Variants in F13A1 observed in about 807,000 individuals in gnomAD.
F13A1 encodes the protein coagulation factor XIII A chain.
Under a neutral mutation model 80.1 loss-of-function variants are expected in F13A1, and 47 were observed. That is an observed-to-expected ratio of 0.59 (90% CI 0.46 to 0.75). F13A1 has a LOEUF of 0.75. F13A1 is among the 30% of genes least tolerant of loss of function. F13A1 has a pLI of 0.00. For synonymous variants in F13A1, 349 were observed against 344.9 expected, an observed-to-expected ratio of 1.01 and a Z score of -0.13; for missense variants, 817 against 930.4, an observed-to-expected ratio of 0.88 and a Z score of 1.59.
Position 6,151,905 on chromosome 6 carries a change from A to T in F13A1, c.1953T>A (p.Val651=), listed in dbSNP as rs1457417905. Residue 651 remains valine (V), a synonymous_variant, in exon 14 of 15, where the codon GTT becomes GTA. Transcript: ENST00000264870. The part of the protein sequence containing the change: ...QVVGSDMTVT[V]EFTNPLKETL... ...TTTCTTTTAAAGGATTGGTAAACTC[A>T]ACTGTCACAGTCATGTCAGAACCAA... The T allele has an allele frequency of 6.2e-7, 1 of 1,614,082 alleles. No homozygotes were observed. Among genetic ancestry groups the T allele is most frequent in the Non-Finnish European group, 8.5e-7 (1 of 1,179,974 alleles).
Position 6,293,235 on chromosome 6 carries a change from G to A in F13A1, c.319+12116C>T, listed in dbSNP as rs111861743. Among the ~76,000 whole-genome samples the A allele has an allele frequency of 4.9e-3, 745 of 152,198 alleles. 7 individuals carry two copies. Among genetic ancestry groups the A allele is most frequent in the Middle Eastern group, 0.02 (6 of 294 alleles). On this transcript the variant is annotated intron_variant, in intron 3 of 14. Transcript: ENST00000264870. ...CTCCTCAGGGAGTGAAACCTCTGCC[G>A]TTTTGAGGGGGAGACCTGGTAAGAA...
chr6:6,244,464 A>G (rs1272959279), intron 6 of F13A1, among the ~76,000 whole-genome samples: 2 of 152,168 alleles, frequency 1.3e-5, no homozygotes, highest in East Asian at 3.8e-4. Context: ...GTAAGGTTAT[A>G]ATATCTCAGG....
chr6:6,191,905 G>T (rs979383451), intron 10 of F13A1, among the ~76,000 whole-genome samples: 4 of 152,240 alleles, frequency 2.6e-5, no homozygotes, highest in Admixed American at 2.6e-4. Context: ...ACTAAGGTTG[G>T]AGGATGAAAA....
intron 8 of F13A1, among the ~76,000 whole-genome samples, chr6:6,212,827 T>C (rs937776255): frequency 3.3e-5 from 5 of 151,874 alleles, no homozygotes; most frequent in African/African-American, 1.2e-4. Flanking sequence ...TACAGAGAAG[T>C]GCTTAAAGGA....
intron 8 of F13A1, among the ~76,000 whole-genome samples, chr6:6,205,480 A>G (rs1366705787): frequency 6.6e-6 from 1 of 152,260 alleles, no homozygotes; most frequent in Non-Finnish European, 1.5e-5. Context: ...CTACAGGAGT[A>G]CTGAACAAAT....
At chr6:6,311,375 G>A (rs1758589781) in intron 2 of F13A1, among the ~76,000 whole-genome samples, 1 of 152,114 alleles carries the variant, frequency 6.6e-6, no homozygotes. Flanking sequence ...AAGGTATGAT[G>A]TGGGAATTTA....
chr6:6,179,949 C>T (rs1050156304), intron 11 of F13A1, among the ~76,000 whole-genome samples: 1 of 152,196 alleles, frequency 6.6e-6, no homozygotes. Flanking sequence ...CCTCTCGTGG[C>T]ATCTGATTCT....
Position 6,174,602 on chromosome 6 carries a change from G to A in F13A1, c.1725C>T (p.Asp575=), listed in dbSNP as rs368622521. The change falls in exon 12 of 15, where the codon GAC becomes GAT. Residue 575 remains aspartate, a synonymous_variant. Transcript: ENST00000264870. The stretch of plus-strand genomic sequence containing the variant: ...TACAGGACAAGGGCTCCAGCGTCAC[G>A]TCGAACGTCTCCTTCTTGAATTCTG... ...PKAEFKKETF[D]VTLEPLSFKK... is the part of the protein sequence containing the mutation. 2.9e-5 allele frequency: 46 copies of A among 1,614,012 alleles called. No homozygotes were observed. The highest frequency in any genetic ancestry group is 3.3e-5 in the Non-Finnish European group (39 of 1,180,018).
intron 4 of F13A1, among the ~76,000 whole-genome samples, chr6:6,252,480 T>C (rs999048801): frequency 6.6e-6 from 1 of 152,066 alleles, no homozygotes; most frequent in Non-Finnish European, 1.5e-5. Context: ...ACAGGTAAAA[T>C]AATATGATTA....
intron 4 of F13A1, among the ~76,000 whole-genome samples, chr6:6,253,261 A>G (rs1276018753): frequency 1.3e-5 from 2 of 152,066 alleles, no homozygotes; most frequent in African/African-American, 4.8e-5. Flanking sequence ...TTGGACCCCA[A>G]TTTATAGTTT....
chr6:6,242,021 T>A (rs1342248619), intron 6 of F13A1, among the ~76,000 whole-genome samples: 1 of 152,200 alleles, frequency 6.6e-6, no homozygotes, highest in Non-Finnish European at 1.5e-5. Flanking sequence ...TAAAAGTAGT[T>A]ATGTCATTAC....
rs1760708013 is a variant in F13A1 at position 6,167,993 on chromosome 6, C to T, written c.1748-375G>A. ...ATCCCAAAATGGAACATGTGGGGTG[C>T]TGAAGTCCAAGGCCCCCATTCCACA... On this transcript the variant is annotated intron_variant, in intron 12 of 14. Coordinates refer to ENST00000264870, the MANE Select transcript of F13A1 (RefSeq NM_000129.4). Among the ~76,000 whole-genome samples, 3 of 152,166 alleles carry T rather than the reference C, an allele frequency of 2.0e-5. No homozygotes were observed. In the South Asian group the frequency reaches 6.2e-4, roughly 32 times the overall value.
At position 6,174,835 on chromosome 6, in the gene F13A1, C is replaced by A. The variant is rs745888361; in HGVS notation, c.1492G>T (p.Ala498Ser). The change falls in exon 12 of 15, where the codon GCC (alanine) becomes TCC (serine). Residue 498 changes from alanine to serine, a missense_variant. Coordinates refer to ENST00000264870, the MANE Select transcript of F13A1 (RefSeq NM_000129.4). ...QEEERLALETALMYGAKKPLN... is the reference protein window; with the variant it reads ...QEEERLALETSLMYGAKKPLN... ...GGCTTTTTAGCTCCGTACATCAGGGCAGTTTCTAGGGCCAATCTCTCTTCT... is the reference window on the plus strand; with the variant it reads ...GGCTTTTTAGCTCCGTACATCAGGGAAGTTTCTAGGGCCAATCTCTCTTCT... 3.8e-5 allele frequency: 61 copies of A among 1,614,076 alleles called. 2 individuals are homozygous for A. The Admixed American group carries it at 8.3e-4, about 22-fold the overall frequency.
intron 13 of F13A1, among the ~76,000 whole-genome samples, chr6:6,165,590 A>G (rs1760656726): frequency 6.6e-6 from 1 of 152,154 alleles, no homozygotes; most frequent in South Asian, 2.1e-4. Flanking sequence ...TCATAAATGA[A>G]ACCTGCGCAA....
At chr6:6,199,406 C>T (rs1010113912) in intron 8 of F13A1, among the ~76,000 whole-genome samples, 33 of 151,896 alleles carry the variant, frequency 2.2e-4, no homozygotes, top group African/African-American at 6.0e-4. Flanking sequence ...AGGAGAATGG[C>T]GTGAACCCGG....
Position 6,192,968 on chromosome 6 carries a change from A to AC in F13A1, c.1305+2828dup, listed in dbSNP as rs578038939. Among the ~76,000 whole-genome samples, 575 of 152,306 alleles carry AC rather than the reference A, an allele frequency of 3.8e-3. 8 individuals are homozygous for AC. Among genetic ancestry groups the AC allele is most frequent in the Admixed American group, 0.033 (511 of 15,304 alleles). Reference sequence around the variant, plus strand: ...CTTCGTGAACATGGAATCTTGGAATACGACTCCAGACGCTTAGAACAGCTC... The same window carrying AC: ...CTTCGTGAACATGGAATCTTGGAATACCGACTCCAGACGCTTAGAACAGCTC... On this transcript the variant is annotated intron_variant, in intron 10 of 14. Transcript: ENST00000264870.
chr6:6,263,133 CTT>C (rs775059900), intron 4 of F13A1, among the ~76,000 whole-genome samples: 1 of 152,222 alleles, frequency 6.6e-6, no homozygotes, highest in Non-Finnish European at 1.5e-5. Context: ...CCCACTCTCT[CTT>C]GTCTTTAAAA....
chr6:6,181,568 G>C (rs1046901615), intron 11 of F13A1, among the ~76,000 whole-genome samples: 1 of 152,152 alleles, frequency 6.6e-6, no homozygotes, highest in African/African-American at 2.4e-5. Context: ...TAATGTAATA[G>C]AACAATGTAT....
chr6:6,213,335 C>A (rs1163931139), intron 8 of F13A1, among the ~76,000 whole-genome samples: 1 of 152,102 alleles, frequency 6.6e-6, no homozygotes, highest in Non-Finnish European at 1.5e-5. Context: ...GATCTCTCGG[C>A]AGAAACTCTA....
Sources: allele counts gnomAD v4.1 joint callset (sites outside exome capture counted in the v4.1 genomes callset), GRCh38; gene constraint gnomAD v4.1.1; transcripts MANE v1.5; gene names NCBI Gene and HGNC (gene_info 2026-07-23, HGNC 2026-07-21).